CCDC63: variants seen among roughly 807,000 people sequenced by gnomAD.
CCDC63 encodes the protein coiled-coil domain containing 63, also known as coiled-coil domain-containing protein 63.
A neutral mutation model predicts 63.6 loss-of-function variants in CCDC63; 54 were observed. That is an observed-to-expected ratio of 0.85 (90% CI 0.68 to 1.07). The LOEUF (loss-of-function observed/expected upper bound fraction) is 1.07. CCDC63 is among the 50% of genes least tolerant of loss of function. The probability of loss-of-function intolerance (pLI) is 0.00; values close to 1 mark genes in which losing one functional copy is unlikely to be tolerated. For missense variants in CCDC63, 637 were observed against 689.6 expected (o/e 0.92, Z 0.86); for synonymous variants, 253 against 266.1 (o/e 0.95, Z 0.48).
chr12:110,880,124 T>C (rs1460877883), intron 6 of CCDC63, 37 bp downstream of exon 6: 1 of 1,583,476 alleles, frequency 6.3e-7, no homozygotes. Context: ...GCGAGGTCTC[T>C]TAGCCCCTTG....
chr12:110,891,187 T>A (rs2136720654), intron 8 of CCDC63, among the ~76,000 whole-genome samples: 2 of 152,230 alleles, frequency 1.3e-5, no homozygotes, highest in African/African-American at 4.8e-5. Context: ...GGCTCATGCC[T>A]GCAGTCCCAG....
chr12:110,865,899 C>T (rs2070940977), intron 4 of CCDC63, among the ~76,000 whole-genome samples: 1 of 152,196 alleles, frequency 6.6e-6, no homozygotes, highest in Admixed American at 6.5e-5. Flanking sequence ...CATCTTTTAA[C>T]AATAAGGGAA....
At chr12:110,862,086 G>T (rs897126983) in intron 4 of CCDC63, among the ~76,000 whole-genome samples, 2 of 152,154 alleles carry the variant, frequency 1.3e-5, no homozygotes, top group Admixed American at 6.5e-5. Flanking sequence ...ACCAGAGCAG[G>T]TGTTTAATAA....
At position 110,879,961 on chromosome 12, in the gene CCDC63, T is replaced by C. The variant is rs770871646; in HGVS notation, c.545T>C (p.Ile182Thr). ...ACTAATGCCAAGCTCCGGAAGGAGA[T>C]TGAAGACCTACGATTTGAGAAGGCT... Reference protein sequence around the residue: ...LTTNAKLRKEIEDLRFEKAAY... With the variant: ...LTTNAKLRKETEDLRFEKAAY... The change falls in exon 6 of 12, where the codon ATT (isoleucine) becomes ACT (threonine). Residue 182 changes from isoleucine (I) to threonine (T), a missense_variant. Coordinates refer to ENST00000308208, the MANE Select transcript of CCDC63 (RefSeq NM_152591.3). 6 of 1,614,072 alleles carry C rather than the reference T, an allele frequency of 3.7e-6. No homozygotes were observed. In the Admixed American group the frequency reaches 5.0e-5, roughly 13 times the overall value.
chr12:110,886,473 C>CTGT (rs1480769619), intron 8 of CCDC63, among the ~76,000 whole-genome samples: 1 of 152,080 alleles, frequency 6.6e-6, no homozygotes, highest in Non-Finnish European at 1.5e-5. Context: ...TAAAAAGGGA[C>CTGT]TGTTTCCAGA....
intron 5 of CCDC63, among the ~76,000 whole-genome samples, chr12:110,878,112 T>C (rs2071155005): frequency 6.6e-6 from 1 of 152,226 alleles, no homozygotes; most frequent in African/African-American, 2.4e-5. Context: ...GTTTCATCCA[T>C]GTTGTGGCAA....
chr12:110,847,227 T>G (rs1031759115), intron 1 of CCDC63, 122 bp downstream of exon 1: 6 of 152,206 alleles, frequency 3.9e-5, no homozygotes, highest in African/African-American at 9.7e-5. Context: ...GTTGAAAGTA[T>G]CAGGGTCTCC....
At chr12:110,867,762 C>T (rs1593657011) in intron 4 of CCDC63, among the ~76,000 whole-genome samples, 1 of 140,746 alleles carries the variant, frequency 7.1e-6, no homozygotes, top group Non-Finnish European at 1.6e-5. Flanking sequence ...CTGACCCCCC[C>T]ATCTCCCTCC....
Position 110,889,786 on chromosome 12 carries a change from G to A in CCDC63, c.1075-3290G>A, listed in dbSNP as rs1259616874. ...AATGTGAATCCCATCACCTGGATAT[G>A]GCATTGGTTCATCTTTTTGGTAGAG... is the stretch of plus-strand genomic sequence containing the variant. On this transcript the variant is annotated intron_variant, in intron 8 of 11. Coordinates refer to ENST00000308208, the MANE Select transcript of CCDC63 (RefSeq NM_152591.3). The surrounding 1 kb of genome is among the most constrained non-coding windows in gnomAD (Gnocchi z 4.1). Among the ~76,000 whole-genome samples, 1 of 152,138 alleles carries A rather than the reference G, an allele frequency of 6.6e-6. No individual in the cohort carries two copies. Among genetic ancestry groups the A allele is most frequent in the African/African-American group, 2.4e-5 (1 of 41,416 alleles).
chr12:110,879,899 T>C lies in CCDC63; in HGVS notation c.490-7T>C. On this transcript the variant is annotated splice_polypyrimidine_tract_variant and splice_region_variant and intron_variant, in intron 5 of 11. Transcript: ENST00000308208. ...AGACCTGTTTTGAAGCATGGCCCTT[T>C]CAACAGGTCACTGTTCACTTTGACA... 3 of 1,613,908 alleles carry C rather than the reference T, an allele frequency of 1.9e-6. No homozygotes were observed. Among genetic ancestry groups the C allele is most frequent in the African/African-American group, 1.3e-5 (1 of 75,032 alleles).
At chr12:110,854,061 A>G (rs565964020) in intron 3 of CCDC63, among the ~76,000 whole-genome samples, 4 of 152,160 alleles carry the variant, frequency 2.6e-5, no homozygotes, top group East Asian at 1.9e-4. Flanking sequence ...TCCTGGTCCA[A>G]TCAGCTGTGG....
chr12:110,864,530 C>T (rs772596505), intron 4 of CCDC63, among the ~76,000 whole-genome samples: 11 of 151,782 alleles, frequency 7.2e-5, no homozygotes, highest in Non-Finnish European at 1.5e-4. Context: ...TCCGAACAGA[C>T]CAGCCTGGCC....
At chr12:110,865,479 A>AAAG (rs2070934495) in intron 4 of CCDC63, among the ~76,000 whole-genome samples, 3 of 150,738 alleles carry the variant, frequency 2.0e-5, no homozygotes, top group African/African-American at 4.9e-5. Flanking sequence ...AAAAAAAAAA[A>AAAG]AAAGAAAAAA....
At chr12:110,882,388 C>T (rs1220011704) in intron 7 of CCDC63, among the ~76,000 whole-genome samples, 3 of 152,056 alleles carry the variant, frequency 2.0e-5, no homozygotes, top group African/African-American at 7.2e-5. Flanking sequence ...GTGGTACATG[C>T]CTGTGGTCCC....
Position 110,899,085 on chromosome 12 carries a change from G to A in CCDC63, c.1302G>A (p.Glu434=), listed in dbSNP as rs753286573. 1 of 1,613,386 alleles carries A rather than the reference G, an allele frequency of 6.2e-7. No homozygotes were observed. The highest frequency in any genetic ancestry group is 1.1e-5 in the South Asian group (1 of 90,878). The part of the protein sequence containing the change: ...DATKILVQLG[E]TGKVTDINLP... The stretch of plus-strand genomic sequence containing the variant: ...CCAAGATCCTGGTGCAGTTAGGGGA[G>A]ACGGGGAAAGTCACTGACATCAACC... Residue 434 remains glutamate (E), a synonymous_variant, in exon 10 of 12, where the codon GAG becomes GAA. Coordinates refer to ENST00000308208, the MANE Select transcript of CCDC63 (RefSeq NM_152591.3).
At chr12:110,897,948 G>C (rs11065755) in intron 9 of CCDC63, among the ~76,000 whole-genome samples, 129,777 of 151,988 alleles carry the variant, frequency 0.85, 56,043 homozygotes, top group East Asian at 1. Context: ...CCAGGATGGT[G>C]TTGAACTTCT....
At chr12:110,868,602 T>C (rs1269142890) in intron 4 of CCDC63, among the ~76,000 whole-genome samples, 1 of 151,194 alleles carries the variant, frequency 6.6e-6, no homozygotes, top group Non-Finnish European at 1.5e-5. Flanking sequence ...GTGCCTGCAA[T>C]CGCAGGCATT....
chr12:110,898,185 C>T (rs774811638), intron 9 of CCDC63, among the ~76,000 whole-genome samples: 5 of 149,440 alleles, frequency 3.3e-5, no homozygotes, highest in Admixed American at 6.7e-5. Context: ...TGGAGGCTAA[C>T]GTGGGAGGAT....
intron 9 of CCDC63, among the ~76,000 whole-genome samples, chr12:110,896,914 C>T (rs1399464005): frequency 1.3e-5 from 2 of 152,180 alleles, no homozygotes; most frequent in Admixed American, 6.5e-5. Context: ...CCCCCAGGGC[C>T]TTTGACTGAG....
Sources: allele counts gnomAD v4.1 joint callset (sites outside exome capture counted in the v4.1 genomes callset), GRCh38; gene constraint gnomAD v4.1.1; non-coding constraint Gnocchi (gnomAD v3.1); transcripts MANE v1.5; gene names NCBI Gene and HGNC (gene_info 2026-07-23, HGNC 2026-07-21).